HK1: variants seen among roughly 807,000 people sequenced by gnomAD.
The protein encoded by HK1 is hexokinase-1.
HK1 carries 28 observed loss-of-function variants against 91.6 expected under a neutral mutation model. The observed-to-expected ratio is 0.31, with a 90% confidence interval of 0.23 to 0.42. The LOEUF (loss-of-function observed/expected upper bound fraction) is 0.42. Ranked by LOEUF, HK1 falls within the 10% of genes least tolerant of loss-of-function variation. The pLI, the probability that HK1 is intolerant of heterozygous loss-of-function variation, is 1.00. For missense variants in HK1, 770 were observed against 1,219.8 expected, an observed-to-expected ratio of 0.63 and a Z score of 5.49; for synonymous variants, 430 against 468.1, an observed-to-expected ratio of 0.92 and a Z score of 1.05.
chr10:69,348,398 G>T (rs1044996519), intron 2 of HK1, among the ~76,000 whole-genome samples: 2 of 152,222 alleles, frequency 1.3e-5, no homozygotes, highest in Admixed American at 1.3e-4. Context: ...TGGAAGGATA[G>T]TTGGGTTATC....
rs372212480 is a variant in HK1 at position 69,398,756 on chromosome 10, G to T, written c.2537G>T (p.Arg846Leu). ...ATGGCTGCGGTTGTGGATAAGATCC[G>T]CGAGAACAGAGGACTGGACCGTCTG... The part of the protein sequence containing the change: ...AGMAAVVDKI[R>L]ENRGLDRLNV... Residue 846 changes from arginine (R) to leucine (L), a missense_variant, in exon 17 of 18, where the codon CGC becomes CTC. By Grantham distance (102) the Arg-to-Leu change is moderately radical. This residue lies in a region of HK1 where 78 missense variants were observed against 99.0 expected (regional missense o/e 0.79). Coordinates refer to ENST00000359426, the MANE Select transcript of HK1 (RefSeq NM_000188.3). The T allele has an allele frequency of 1.9e-6, 3 of 1,614,240 alleles. No individual in the cohort carries two copies. The highest frequency in any genetic ancestry group is 2.2e-5 in the South Asian group (2 of 91,090).
intron 3 of HK1, chr10:69,292,323 T>C: frequency 2.3e-6 from 1 of 440,512 alleles, no homozygotes; most frequent in African/African-American, 2.0e-5. Flanking sequence ...TCCTCCTGCC[T>C]CAGCCTCCTA....
intron 13 of HK1, chr10:69,386,643 G>A (rs534856459): frequency 1.0e-4 from 40 of 398,970 alleles, no homozygotes; most frequent in Middle Eastern, 8.5e-4. Flanking sequence ...TTAGCCAGGC[G>A]TGGTGGTGCG....
chr10:69,392,218 G>A lies in HK1; in HGVS notation c.2129G>A (p.Gly710Glu). Residue 710 changes from glycine to glutamate, a missense_variant, in exon 15 of 18, where the codon GGG (glycine) becomes GAG (glutamate). Transcript: ENST00000359426. ...CAGATGTGCATCAACATGGAGTGGG[G>A]GGCCTTTGGGGACAACGGGTGTCTG... ...QGQMCINMEW[G>E]AFGDNGCLDD... is the part of the protein sequence containing the mutation. The A allele has an allele frequency of 6.2e-7, 1 of 1,614,170 alleles. No homozygotes were observed. Among genetic ancestry groups the A allele is most frequent in the Non-Finnish European group, 8.5e-7 (1 of 1,180,022 alleles).
intron 2 of HK1, among the ~76,000 whole-genome samples, chr10:69,285,437 A>AAAAC (rs968736407): frequency 8.5e-5 from 13 of 152,260 alleles, no homozygotes; most frequent in South Asian, 2.1e-4. Flanking sequence ...ACAACAACAA[A>AAAAC]AAACAAACAA....
chr10:69,318,583 A>T (rs1386338053), upstream of HK1, among the ~76,000 whole-genome samples: 1 of 151,988 alleles, frequency 6.6e-6, no homozygotes, highest in Non-Finnish European at 1.5e-5. Flanking sequence ...TACGTGGGGG[A>T]CGTGCAGGAT....
At chr10:69,285,340 C>T (rs577179645) in intron 2 of HK1, among the ~76,000 whole-genome samples, 157 of 152,078 alleles carry the variant, frequency 1.0e-3, no homozygotes, top group African/African-American at 3.6e-3. Context: ...AGGAGAATGG[C>T]GTGCACTCGG....
rs1259911638 is a variant in HK1, at chr10:69,369,330, A to C, written c.685A>C (p.Ile229Leu). ...YDDQHCEVGL[I>L]IGTGTNACYM... The stretch of plus-strand genomic sequence containing the variant: ...CGACCAGCACTGTGAAGTCGGCCTG[A>C]TCATCGGTAATGCATTCCCCTTTGC... The change falls in exon 6 of 18, where the codon ATC becomes CTC. Residue 229 changes from isoleucine (I) to leucine (L), a missense_variant. Physicochemically the swap from Ile to Leu is conservative, Grantham distance 5. Coordinates refer to ENST00000359426, the MANE Select transcript of HK1 (RefSeq NM_000188.3). This position sits in a 1 kb window ranked among gnomAD's most constrained non-coding sequence, Gnocchi z 4.4. 6.2e-7 allele frequency: 1 copy of C among 1,614,058 alleles called. No individual in the cohort carries two copies. Among genetic ancestry groups the C allele is most frequent in the African/African-American group, 1.3e-5 (1 of 75,030 alleles).
intron 5 of HK1, among the ~76,000 whole-genome samples, chr10:69,308,059 G>C (rs1846184229): frequency 6.6e-6 from 1 of 152,082 alleles, no homozygotes; most frequent in Non-Finnish European, 1.5e-5. Flanking sequence ...AGCTGGTTTT[G>C]AACTCCTGAC....
At chr10:69,318,045 TG>T (rs1846740423), upstream of HK1, 1 of 985,280 alleles carries the variant, frequency 1.0e-6, no homozygotes, top group African/African-American at 1.7e-5. Context: ...GCCCAGAGGA[TG>T]GGGACAGGCC....
At chr10:69,331,537 A>G (rs1847714541) in intron 1 of HK1, among the ~76,000 whole-genome samples, 1 of 152,242 alleles carries the variant, frequency 6.6e-6, no homozygotes, top group Non-Finnish European at 1.5e-5. Flanking sequence ...CAGGTTTTCA[A>G]AAATTTCATG....
chr10:69,374,991 C>T (rs905022858), intron 7 of HK1, among the ~76,000 whole-genome samples: 2 of 152,188 alleles, frequency 1.3e-5, no homozygotes, highest in Non-Finnish European at 2.9e-5. Flanking sequence ...ATGAGACAGG[C>T]AGGAATGCAC....
intron 2 of HK1, 85 bp from the exon 3 acceptor site, chr10:69,359,812 C>T: frequency 7.5e-7 from 1 of 1,335,568 alleles, no homozygotes; most frequent in Non-Finnish European, 1.1e-6. Flanking sequence ...CAGACAGGGC[C>T]TACGCCCTGC....
intron 1 of HK1, among the ~76,000 whole-genome samples, chr10:69,340,988 G>A (rs935215853): frequency 2.0e-5 from 3 of 152,026 alleles, no homozygotes; most frequent in Non-Finnish European, 4.4e-5. Context: ...TCTCCAGGAA[G>A]CCTTCTCTCC....
chr10:69,292,909 G>T (rs984286221), intron 3 of HK1, among the ~76,000 whole-genome samples: 2 of 152,124 alleles, frequency 1.3e-5, no homozygotes, highest in Non-Finnish European at 2.9e-5. Flanking sequence ...CAGAAAGTTT[G>T]TCTCTAGCAG....
At chr10:69,378,076 T>C (rs1317896302) in intron 8 of HK1, among the ~76,000 whole-genome samples, 1 of 151,916 alleles carries the variant, frequency 6.6e-6, no homozygotes, top group Non-Finnish European at 1.5e-5. Context: ...TGTGCTGGAG[T>C]TTGTTGTATG....
In HK1 at chr10:69,398,586, C is replaced by T. The variant is rs765640370; in HGVS notation, c.2376-9C>T. The stretch of plus-strand genomic sequence containing the variant: ...CTTCATCCAGCCCTCTGGCTCTTGT[C>T]CCCCACAGTGACCGATTAGCACTGC... On this transcript the variant is annotated splice_polypyrimidine_tract_variant and intron_variant, in intron 16 of 17. Coordinates refer to ENST00000359426, the MANE Select transcript of HK1 (RefSeq NM_000188.3). The T allele has an allele frequency of 3.1e-6, 5 of 1,610,110 alleles. No individual in the cohort carries two copies. Among genetic ancestry groups the T allele is most frequent in the Non-Finnish European group, 4.2e-6 (5 of 1,177,706 alleles).
At chr10:69,354,884 A>G (rs966418749) in intron 2 of HK1, among the ~76,000 whole-genome samples, 4 of 152,106 alleles carry the variant, frequency 2.6e-5, no homozygotes, top group Non-Finnish European at 4.4e-5. Context: ...CCTGACCAAC[A>G]TGGTGAAAAC....
At chr10:69,382,833 C>T in intron 10 of HK1, 42 bp downstream of exon 10, 2 of 1,591,274 alleles carry the variant, frequency 1.3e-6, no homozygotes, top group Admixed American at 1.8e-5. Context: ...CCTGCTCCTG[C>T]CAGGAACTGA....
Sources: allele counts gnomAD v4.1 joint callset (sites outside exome capture counted in the v4.1 genomes callset), GRCh38; gene constraint gnomAD v4.1.1; regional missense constraint gnomAD v4.1.1; non-coding constraint Gnocchi (gnomAD v3.1); transcripts MANE v1.5; gene names NCBI Gene and HGNC (gene_info 2026-07-23, HGNC 2026-07-21).